The following ANKRD30B variants were observed in gnomAD, a reference collection of about 807,000 sequenced individuals.
ANKRD30B encodes the protein ankyrin repeat domain 30B, also known as ankyrin repeat domain-containing protein 30B.
ANKRD30B carries 144 observed loss-of-function variants against 202.2 expected under a neutral mutation model. The ratio of observed to expected loss-of-function variants is 0.71; its 90% confidence interval spans 0.62 to 0.82. The LOEUF is 0.82. Among genes scored for constraint, ANKRD30B ranks in the 40% least tolerant of loss-of-function variants. ANKRD30B has a pLI of 0.00. For synonymous variants in ANKRD30B, 508 were observed against 561.3 expected (o/e 0.91, Z 1.34); for missense variants, 1,487 against 1,669.1 (o/e 0.89, Z 1.90).
At chr18:14,913,878 G>T in the ANKRD30B span, among the ~76,000 whole-genome samples, 1 of 152,174 alleles carries the variant, frequency 6.6e-6, no homozygotes, top group African/African-American at 2.4e-5. Context: ...CTATGAGTTG[G>T]ATGCTGTCCT....
At chr18:14,924,060 C>T in the ANKRD30B span, among the ~76,000 whole-genome samples, 1 of 152,254 alleles carries the variant, frequency 6.6e-6, no homozygotes, top group African/African-American at 2.4e-5. Context: ...CAACGTAGTG[C>T]ATGATCCATC....
chr18:14,777,979 T>G lies in ANKRD30B; in HGVS notation c.1330-6T>G. The G allele has an allele frequency of 6.5e-7, 1 of 1,533,780 alleles. No individual in the cohort carries two copies. Among genetic ancestry groups the G allele is most frequent in the Non-Finnish European group, 8.8e-7 (1 of 1,135,168 alleles). On this transcript the variant is annotated splice_region_variant and splice_polypyrimidine_tract_variant and intron_variant, in intron 9 of 43. Transcript: ENST00000690538. ...ACAAATTATTTATTGGTATTACCTT[T>G]AACAGATTATCTCTAAGAGTGCTGC...
the ANKRD30B span, among the ~76,000 whole-genome samples, chr18:14,875,214 G>C: frequency 6.6e-6 from 1 of 152,174 alleles, no homozygotes; most frequent in Non-Finnish European, 1.5e-5. Flanking sequence ...AGAGCTAAGC[G>C]ATTTTGTGTC....
At chr18:14,920,097 T>A in the ANKRD30B span, among the ~76,000 whole-genome samples, 1 of 152,256 alleles carries the variant, frequency 6.6e-6, no homozygotes, top group Non-Finnish European at 1.5e-5. Context: ...TGAACCACTG[T>A]CCTTGGTGTG....
the ANKRD30B span, among the ~76,000 whole-genome samples, chr18:14,868,488 G>T: frequency 2.6e-5 from 4 of 152,284 alleles, no homozygotes; most frequent in African/African-American, 7.2e-5. Flanking sequence ...CTGGGTTTTG[G>T]TGTTGTGGGA....
the ANKRD30B span, among the ~76,000 whole-genome samples, chr18:14,888,123 A>AT: frequency 6.6e-6 from 1 of 151,980 alleles, no homozygotes; most frequent in Non-Finnish European, 1.5e-5. Context: ...CTTTTGTTAA[A>AT]TTATCTATTT....
In ANKRD30B at chr18:14,807,819, A is replaced by C. The variant is rs575372347; in HGVS notation, c.2285-732A>C. Among the ~76,000 whole-genome samples the C allele has an allele frequency of 7.9e-5, 12 of 151,152 alleles. No homozygotes were observed. The East Asian group carries it at 2.1e-3, about 27-fold the overall frequency. ...GGTTCTGGAGATACAGGCATGAGCCACGGCACCTGGACTGTATTAGTTTGT... is the reference window on the plus strand; with the variant it reads ...GGTTCTGGAGATACAGGCATGAGCCCCGGCACCTGGACTGTATTAGTTTGT... On this transcript the variant is annotated intron_variant, in intron 24 of 43. Coordinates refer to ENST00000690538, the MANE Select transcript of ANKRD30B (RefSeq NM_001367607.2).
rs781297989 is a variant in ANKRD30B at position 14,850,316 on chromosome 18, A to G, written c.3498A>G (p.Gln1166=). Residue 1166 remains glutamine, a synonymous_variant, in exon 41 of 44, where the codon CAA becomes CAG. Coordinates refer to ENST00000690538, the MANE Select transcript of ANKRD30B (RefSeq NM_001367607.2). The part of the protein sequence containing the change: ...EQLRKKLEVK[Q]QLEQTLRIQD... The stretch of plus-strand genomic sequence containing the variant: ...TTAGGAAAAAGTTAGAAGTGAAACA[A>G]CAACTTGAACAGACTCTCAGAATAC... 1.3e-6 allele frequency: 2 copies of G among 1,591,996 alleles called. No homozygotes were observed. Among genetic ancestry groups the G allele is most frequent in the Non-Finnish European group, 1.7e-6 (2 of 1,170,788 alleles).
chr18:14,860,122 G>C, the ANKRD30B span, among the ~76,000 whole-genome samples: 1 of 141,622 alleles, frequency 7.1e-6, no homozygotes, highest in Non-Finnish European at 1.5e-5. Context: ...CAGATGGGGC[G>C]GCTGGGCAGA....
rs752335061 is a variant in ANKRD30B at position 14,803,674 on chromosome 18, G to C, written c.2194-60G>C. ...GAAAAGATTTTAATTAGGAACTTTTGATACTCCTCATTATTGGGATTTCTC... is the reference window on the plus strand; with the variant it reads ...GAAAAGATTTTAATTAGGAACTTTTCATACTCCTCATTATTGGGATTTCTC... On this transcript the variant is annotated intron_variant, in intron 23 of 43. Coordinates refer to ENST00000690538, the MANE Select transcript of ANKRD30B (RefSeq NM_001367607.2). 6.0e-6 allele frequency: 9 copies of C among 1,492,950 alleles called. No homozygotes were observed. In the South Asian group the frequency reaches 8.3e-5, roughly 14 times the overall value. The allele number at this position is 1,492,950 out of a possible 1,614,324, so 92.5% of individuals were successfully genotyped here.
chr18:14,827,739 T>C (rs1970724567), intron 32 of ANKRD30B, among the ~76,000 whole-genome samples: 1 of 152,256 alleles, frequency 6.6e-6, no homozygotes, highest in Admixed American at 6.5e-5. Flanking sequence ...AGTTTGACAC[T>C]GTCCACTTAT....
chr18:14,749,025 T>C (rs1028699761), intron 1 of ANKRD30B, among the ~76,000 whole-genome samples: 5 of 152,254 alleles, frequency 3.3e-5, no homozygotes, highest in Non-Finnish European at 1.5e-5. Flanking sequence ...AGATACACTA[T>C]GAAATGGTGC....
chr18:14,912,306 T>A, the ANKRD30B span, among the ~76,000 whole-genome samples: 1 of 152,198 alleles, frequency 6.6e-6, no homozygotes, highest in South Asian at 2.1e-4. Flanking sequence ...ATGCCTAGTT[T>A]TTTTGAGGAT....
At chr18:14,916,851 A>G in the ANKRD30B span, among the ~76,000 whole-genome samples, 1 of 152,018 alleles carries the variant, frequency 6.6e-6, no homozygotes, top group Non-Finnish European at 1.5e-5. Flanking sequence ...CTGCAAAGTG[A>G]GCACTGTCAT....
At chr18:14,821,117 T>C (rs887812133) in intron 30 of ANKRD30B, among the ~76,000 whole-genome samples, 1 of 152,234 alleles carries the variant, frequency 6.6e-6, no homozygotes, top group African/African-American at 2.4e-5. Context: ...GAGGAATTTA[T>C]CTATTTATTC....
At chr18:14,883,395 CTCTCTA>C in the ANKRD30B span, 39 of 74,882 alleles carry the variant, frequency 5.2e-4, no homozygotes, top group African/African-American at 2.5e-3. Context: ...CTCTCTCTCT[CTCTCTA>C]TATATATATA....
chr18:14,831,754 A>G (rs1970952016), intron 34 of ANKRD30B, among the ~76,000 whole-genome samples: 1 of 152,220 alleles, frequency 6.6e-6, no homozygotes, highest in Non-Finnish European at 1.5e-5. Context: ...ATTATATTAG[A>G]AAAAACTTTT....
intron 7 of ANKRD30B, among the ~76,000 whole-genome samples, chr18:14,766,563 A>G (rs1328079021): frequency 1.3e-5 from 2 of 151,962 alleles, no homozygotes. Context: ...CATGGGACAG[A>G]CCAACCATTT....
At chr18:14,925,780 G>A in the ANKRD30B span, among the ~76,000 whole-genome samples, 6 of 152,164 alleles carry the variant, frequency 3.9e-5, no homozygotes, top group African/African-American at 1.4e-4. Flanking sequence ...AGCTCACACA[G>A]CGCCTGGAGC....
Sources: gnomAD v4.1 joint callset for allele counts (sites outside exome capture counted in the v4.1 genomes callset) on GRCh38, gnomAD v4.1.1 for gene constraint, MANE v1.5 for transcripts, NCBI Gene and HGNC (gene_info 2026-07-23, HGNC 2026-07-21) for gene names.